Variants in RMST observed in about 807,000 individuals in gnomAD.
RMST encodes the protein rhabdomyosarcoma 2 associated transcript.
At chr12:97,514,517 T>C (rs2136529125) in intron 10 of RMST, among the ~76,000 whole-genome samples, 1 of 152,324 alleles carries the variant, frequency 6.6e-6, no homozygotes, top group South Asian at 2.1e-4. Flanking sequence ...CAAATATTAA[T>C]TTCTATGCCA....
chr12:97,465,883 G>T (rs1364124243), intron 5 of RMST, among the ~76,000 whole-genome samples: 6 of 152,144 alleles, frequency 3.9e-5, no homozygotes, highest in African/African-American at 1.4e-4. Context: ...GAATTTGATT[G>T]TTAGTCATTT....
exon 9 of RMST, chr12:97,494,714 G>T (rs2136459388): frequency 2.0e-5 from 3 of 151,880 alleles, no homozygotes; most frequent in Admixed American, 2.0e-4. Context: ...AACCACCACG[G>T]TTGTTTACAA....
At chr12:97,474,475 T>A (rs919283272) in intron 5 of RMST, among the ~76,000 whole-genome samples, 3 of 152,044 alleles carry the variant, frequency 2.0e-5, no homozygotes, top group Non-Finnish European at 4.4e-5. Context: ...GGTTGAGAAA[T>A]TCTTCAATGG....
rs149091971 is a variant in RMST, at chr12:97,522,057, T to G, written n.1341-8598T>G. Among the ~76,000 whole-genome samples the G allele has an allele frequency of 2.6e-5, 4 of 152,382 alleles. No homozygotes were observed. In the East Asian group the frequency reaches 7.7e-4, roughly 29 times the overall value. On this transcript the variant is annotated intron_variant and non_coding_transcript_variant, in intron 10 of 13. Coordinates refer to ENST00000640149, the Ensembl canonical transcript of RMST. ...GTGCTACTTGTACTTGTGAAAGTTA[T>G]GATCTGGCCTCTTTTGCATAAAGTC...
chr12:97,533,194 C>T (rs999248078), intron 11 of RMST: 4 of 151,766 alleles, frequency 2.6e-5, no homozygotes, highest in Non-Finnish European at 4.4e-5. Flanking sequence ...AACAAAAGCA[C>T]GGAGCATGAA....
At chr12:97,544,540 CAG>C (rs1254334116) in intron 11 of RMST, among the ~76,000 whole-genome samples, 2 of 151,986 alleles carry the variant, frequency 1.3e-5, no homozygotes, top group African/African-American at 2.4e-5. Flanking sequence ...GCACAATTTT[CAG>C]GGGTGTATTT....
chr12:97,544,943 T>TA (rs1414266646), intron 11 of RMST, among the ~76,000 whole-genome samples: 18 of 152,052 alleles, frequency 1.2e-4, no homozygotes, highest in African/African-American at 4.3e-4. Flanking sequence ...AAGTACAGGG[T>TA]AAAAAATTCC....
At chr12:97,522,755 AGT>A (rs1338803115) in intron 10 of RMST, among the ~76,000 whole-genome samples, 1 of 152,152 alleles carries the variant, frequency 6.6e-6, no homozygotes, top group African/African-American at 2.4e-5. Flanking sequence ...ATATATTTCA[AGT>A]GTGTGTGTGG....
chr12:97,556,237 G>A (rs974331653), intron 11 of RMST, among the ~76,000 whole-genome samples: 1 of 152,078 alleles, frequency 6.6e-6, no homozygotes, highest in South Asian at 2.1e-4. Context: ...CAAACCATGG[G>A]CATTCTCTCG....
At chr12:97,475,631 C>T (rs542045384) in intron 5 of RMST, among the ~76,000 whole-genome samples, 5 of 148,194 alleles carry the variant, frequency 3.4e-5, no homozygotes, top group Non-Finnish European at 5.9e-5. Flanking sequence ...ATCATTTTCA[C>T]ATGGACTAAA....
chr12:97,511,495 G>T (rs1342132044), intron 10 of RMST, among the ~76,000 whole-genome samples: 5 of 152,060 alleles, frequency 3.3e-5, no homozygotes, highest in Non-Finnish European at 7.4e-5. Flanking sequence ...GAAATTTCTT[G>T]CTATTTTTTC....
intron 10 of RMST, among the ~76,000 whole-genome samples, chr12:97,529,703 C>T (rs200714731): frequency 6.6e-6 from 1 of 152,160 alleles, no homozygotes; most frequent in South Asian, 2.1e-4. Flanking sequence ...TTGGATGCTA[C>T]GCTCTGAAAA....
chr12:97,549,348 C>T (rs1203356711), intron 11 of RMST, among the ~76,000 whole-genome samples: 2 of 152,200 alleles, frequency 1.3e-5, no homozygotes, highest in African/African-American at 4.8e-5. Context: ...GAGCCATTCT[C>T]AGAGAGCATA....
At chr12:97,489,724 T>C (rs1876546687) in intron 5 of RMST, among the ~76,000 whole-genome samples, 1 of 152,246 alleles carries the variant, frequency 6.6e-6, no homozygotes, top group Non-Finnish European at 1.5e-5. Context: ...TAATGCTTAG[T>C]TGCAGCTGAA....
At chr12:97,465,219 C>T (rs1374485417) in intron 4 of RMST, 1 of 152,276 alleles carries the variant, frequency 6.6e-6, no homozygotes, top group East Asian at 1.9e-4. Context: ...AATTGCCAAG[C>T]GCTAAGGCAC....
intron 10 of RMST, among the ~76,000 whole-genome samples, chr12:97,525,891 C>CT (rs1288510083): frequency 6.6e-6 from 1 of 152,122 alleles, no homozygotes; most frequent in African/African-American, 2.4e-5. Context: ...GCTTCGCCTC[C>CT]TGTCAGATCA....
chr12:97,542,842 A>T (rs1455182221), intron 11 of RMST, among the ~76,000 whole-genome samples: 4 of 151,916 alleles, frequency 2.6e-5, no homozygotes, highest in Non-Finnish European at 2.9e-5. Context: ...AAGTCCACTT[A>T]ATGAGGTCTG....
chr12:97,482,642 TATTA>T (rs1474190277), intron 5 of RMST, among the ~76,000 whole-genome samples: 1 of 142,100 alleles, frequency 7.0e-6, no homozygotes, highest in Non-Finnish European at 1.6e-5. Flanking sequence ...TTAATTTATT[TATTA>T]TTTATTTAAT....
chr12:97,558,323 A>G (rs1756460764), intron 11 of RMST, among the ~76,000 whole-genome samples: 1 of 152,300 alleles, frequency 6.6e-6, no homozygotes, highest in East Asian at 1.9e-4. Context: ...TTATCATCAC[A>G]TACTTTTCAT....
Sources: allele counts gnomAD v4.1 joint callset (sites outside exome capture counted in the v4.1 genomes callset), GRCh38; gene constraint gnomAD v4.1.1; transcripts MANE v1.5; gene names NCBI Gene and HGNC (gene_info 2026-07-23, HGNC 2026-07-21).